The following BCR variants were observed in gnomAD, a reference collection of about 807,000 sequenced individuals.
BCR encodes the protein breakpoint cluster region protein.
Under a neutral mutation model 138.6 loss-of-function variants are expected in BCR, and 58 were observed. The ratio of observed to expected loss-of-function variants is 0.42; its 90% CI spans 0.34 to 0.52. The LOEUF (loss-of-function observed/expected upper bound fraction) is 0.52. BCR is among the 20% of genes least tolerant of loss of function. BCR has a pLI of 0.06. For missense variants in BCR, 1,599 were observed against 1,727.2 expected (o/e 0.93, Z 1.32); for synonymous variants, 786 against 730.1 (o/e 1.08, Z -1.23).
chr22:23,262,698 CCCGGGTGAGGGCG>C, intron 4 of BCR: 3 of 184,656 alleles, frequency 1.6e-5, no homozygotes, highest in Non-Finnish European at 2.2e-5. Flanking sequence ...GAATGGCGGG[CCCGGGTGAGGGCG>C]GGCCCGGGTG....
chr22:23,198,473 T>C (rs560933619), intron 1 of BCR: 13 of 346,674 alleles, frequency 3.7e-5, no homozygotes, highest in South Asian at 2.7e-4. Flanking sequence ...CAGGGTGATA[T>C]GGCTTTGCAG....
chr22:23,275,944 G>A (rs571988815), intron 8 of BCR, among the ~76,000 whole-genome samples: 11 of 152,232 alleles, frequency 7.2e-5, no homozygotes, highest in South Asian at 2.1e-4. Flanking sequence ...CTCAGTGCTC[G>A]GATCATTGGA....
chr22:23,260,747 CT>C, intron 2 of BCR: 1 of 557,350 alleles, frequency 1.8e-6, no homozygotes, highest in Non-Finnish European at 3.2e-6. Context: ...GATGACCCCC[CT>C]CCCCGGGATT....
intron 16 of BCR, among the ~76,000 whole-genome samples, chr22:23,296,322 C>T (rs972472032): frequency 1.5e-5 from 2 of 136,296 alleles, no homozygotes; most frequent in African/African-American, 2.8e-5. Context: ...TGCAATGAGT[C>T]AAGATCACAC....
At chr22:23,292,775 G>T in intron 15 of BCR, 137 bp downstream of exon 15, 1 of 661,486 alleles carries the variant, frequency 1.5e-6, no homozygotes, top group East Asian at 2.9e-5. Flanking sequence ...GGAATCTCCT[G>T]GGGGGCCAGT....
At chr22:23,268,556 C>T (rs1303634085) in intron 5 of BCR, 41 bp downstream of exon 5, 2 of 1,481,074 alleles carry the variant, frequency 1.4e-6, no homozygotes, top group South Asian at 1.2e-5. Context: ...ACCGCTGACT[C>T]CCACCTGTAC....
At position 23,287,174 on chromosome 22, in the gene BCR, A is replaced by G; in HGVS notation, c.2422A>G (p.Ser808Gly). ...IQREKRANKG[S>G]KATERLKKKL... ...CTCCCCACAGAGGGCGAACAAGGGC[A>G]GCAAGGCTACGGAGAGGCTGAAGAA... Residue 808 changes from serine to glycine, a missense_variant, in exon 11 of 23, where the codon AGC becomes GGC. Around this residue, in one of 4 missense-constraint regions of BCR, gnomAD observed 590 missense variants for 762.4 expected, o/e 0.77. Transcript: ENST00000305877. The G allele has an allele frequency of 6.3e-7, 1 of 1,578,474 alleles. No homozygotes were observed. Among genetic ancestry groups the G allele is most frequent in the Non-Finnish European group, 8.6e-7 (1 of 1,161,392 alleles).
chr22:23,268,592 T>G (rs1425045366), intron 5 of BCR, 77 bp downstream of exon 5: 2 of 1,238,486 alleles, frequency 1.6e-6, no homozygotes, highest in Admixed American at 3.9e-5. Flanking sequence ...GAGAACAGAG[T>G]GCACCAGATC....
rs534501102 is a variant in BCR at position 23,295,500 on chromosome 22, G to A, written c.3012+345G>A. Reference sequence around the variant, plus strand: ...CTAGGCTGAAATTGGCCCATCCTGTGCCAGTCTTCTTAGAAAAGCACAGGG... The same window carrying A: ...CTAGGCTGAAATTGGCCCATCCTGTACCAGTCTTCTTAGAAAAGCACAGGG... On this transcript the variant is annotated intron_variant, in intron 16 of 22. Transcript: ENST00000305877. Among the ~76,000 whole-genome samples the A allele has an allele frequency of 2.0e-5, 3 of 152,284 alleles. No homozygotes were observed. In the East Asian group the frequency reaches 5.8e-4, roughly 29 times the overall value.
chr22:23,283,960 C>T lies in BCR; in HGVS notation c.2116-17C>T. ...ACCCCAGGCTGGCCCTGACCCCAGC[C>T]TTCCCTGTGCCTGCAGCACCGGCAG... On this transcript the variant is annotated splice_polypyrimidine_tract_variant and intron_variant, in intron 8 of 22. Coordinates refer to ENST00000305877, the MANE Select transcript of BCR (RefSeq NM_004327.4). 2 of 1,581,058 alleles carry T rather than the reference C, an allele frequency of 1.3e-6. No individual in the cohort carries two copies. Among genetic ancestry groups the T allele is most frequent in the South Asian group, 1.2e-5 (1 of 86,674 alleles).
At chr22:23,273,828 T>G (rs1212597036) in intron 8 of BCR, 54 bp downstream of exon 8, 1 of 1,605,594 alleles carries the variant, frequency 6.2e-7, no homozygotes, top group Non-Finnish European at 8.5e-7. Flanking sequence ...GCTGGGGGCA[T>G]GCAGGGCCCC....
At chr22:23,290,831 T>C (rs953488685) in intron 14 of BCR, 12 of 217,604 alleles carry the variant, frequency 5.5e-5, no homozygotes, top group African/African-American at 2.0e-4. Flanking sequence ...ACTTTTTTTT[T>C]CCTTTCCCTC....
intron 1 of BCR, among the ~76,000 whole-genome samples, chr22:23,206,576 C>CAAA (rs559810867): frequency 0.077 from 6,852 of 89,388 alleles, 600 homozygotes; most frequent in African/African-American, 0.24. Context: ...GACTCCGTCT[C>CAAA]AAAAAAAAAA....
intron 7 of BCR, among the ~76,000 whole-genome samples, 157 bp from the exon 8 acceptor site, chr22:23,273,477 T>C (rs967519743): frequency 1.3e-5 from 2 of 152,086 alleles, no homozygotes; most frequent in Admixed American, 1.3e-4. Context: ...TCACACAAGC[T>C]CTGTCCACAA....
At chr22:23,248,501 G>A (rs1337706585) in intron 1 of BCR, among the ~76,000 whole-genome samples, 3 of 152,052 alleles carry the variant, frequency 2.0e-5, no homozygotes, top group Non-Finnish European at 4.4e-5. Flanking sequence ...GGCCTGGGCT[G>A]ACTGGGACCT....
chr22:23,200,906 G>A (rs932836659), intron 1 of BCR, among the ~76,000 whole-genome samples: 2 of 152,190 alleles, frequency 1.3e-5, no homozygotes, highest in African/African-American at 4.8e-5. Flanking sequence ...TTGGAAAAAA[G>A]GTTGGGGATG....
At chr22:23,250,999 G>A (rs2073220204) in intron 1 of BCR, 1 of 152,158 alleles carries the variant, frequency 6.6e-6, no homozygotes, top group African/African-American at 2.4e-5. Flanking sequence ...AACCAACATA[G>A]CGATCTTGGT....
chr22:23,189,653 A>G (rs774263801), intron 1 of BCR, among the ~76,000 whole-genome samples: 38 of 152,186 alleles, frequency 2.5e-4, no homozygotes, highest in Non-Finnish European at 4.9e-4. Flanking sequence ...GGCGCCTGCC[A>G]TCACACCCGG....
intron 16 of BCR, among the ~76,000 whole-genome samples, chr22:23,303,131 A>G (rs1005564136): frequency 1.3e-5 from 2 of 151,926 alleles, no homozygotes; most frequent in African/African-American, 4.8e-5. Flanking sequence ...GTATTTTACT[A>G]TATATATATA....
Sources: gnomAD v4.1 joint callset for allele counts (sites outside exome capture counted in the v4.1 genomes callset) on GRCh38, gnomAD v4.1.1 for gene constraint, gnomAD v4.1.1 regional missense constraint, MANE v1.5 for transcripts, NCBI Gene and HGNC (gene_info 2026-07-23, HGNC 2026-07-21) for gene names.